Variants in USP1 observed in about 807,000 individuals in gnomAD.
The protein encoded by USP1 is ubiquitin specific peptidase 1, also known as ubiquitin carboxyl-terminal hydrolase 1.
A neutral mutation model predicts 72.2 loss-of-function variants in USP1; 18 were observed. The observed-to-expected ratio is 0.25, with a 90% CI of 0.17 to 0.37. The LOEUF is 0.37. Ranked by LOEUF, USP1 falls within the 10% of genes least tolerant of loss-of-function variation. The pLI, the probability that USP1 is intolerant of heterozygous loss-of-function variation, is 1.00. For synonymous variants in USP1, 354 were observed against 303.7 expected (o/e 1.17, Z -1.72); for missense variants, 759 against 884.9 (o/e 0.86, Z 1.81).
chr1:62,450,518 C>T lies in USP1; in HGVS notation c.1895C>T (p.Ala632Val). The change falls in exon 9 of 9, where the codon GCA (alanine) becomes GTA (valine). Residue 632 changes from alanine to valine, a missense_variant. This residue lies in a region of USP1 where 159 missense variants were observed against 140.9 expected (regional missense o/e 1.13). Coordinates refer to ENST00000339950, the MANE Select transcript of USP1 (RefSeq NM_003368.5). Reference sequence around the variant, plus strand: ...CCAGAACCATTGAATGAGGAGGAAGCAAGGGGTGTGGTTGAGAATTATAAT... The same window carrying T: ...CCAGAACCATTGAATGAGGAGGAAGTAAGGGGTGTGGTTGAGAATTATAAT... The part of the protein sequence containing the change: ...GKPEPLNEEE[A>V]RGVVENYNDE... The T allele has an allele frequency of 1.9e-6, 3 of 1,613,840 alleles. No individual in the cohort carries two copies. The highest frequency in any genetic ancestry group is 3.3e-4 in the Middle Eastern group (2 of 6,060).
chr1:62,437,121 C>T lies in USP1; in HGVS notation c.-349C>T. On this transcript the variant is annotated 5_prime_UTR_variant, in exon 1 of 9. Coordinates refer to ENST00000339950, the MANE Select transcript of USP1 (RefSeq NM_003368.5). The stretch of plus-strand genomic sequence containing the variant: ...CGGTTCAGGCGTTCGGCGAGCGGGG[C>T]CGCTGCTTGTTGCGCTCCTGGCTCT... The T allele has an allele frequency of 2.5e-6, 1 of 399,188 alleles. No homozygotes were observed. Among genetic ancestry groups the T allele is most frequent in the Non-Finnish European group, 4.4e-6 (1 of 226,166 alleles). The allele number at this position is 399,188 out of a possible 1,614,324, so 24.7% of individuals were successfully genotyped here.
chr1:62,439,426 A>G (rs560487704), intron 1 of USP1, among the ~76,000 whole-genome samples: 32 of 152,112 alleles, frequency 2.1e-4, no homozygotes, highest in African/African-American at 7.5e-4. Context: ...CTCGTGATCC[A>G]CTCGCTTCGG....
Position 62,440,427 on chromosome 1 carries a change from C to T in USP1, c.170+390C>T, listed in dbSNP as rs187325430. On this transcript the variant is annotated intron_variant, in intron 2 of 8. Coordinates refer to ENST00000339950, the MANE Select transcript of USP1 (RefSeq NM_003368.5). ...CTTGACAGTTATAAGACATTTTAAA[C>T]TCTAGTCATGTAACTAGTCATACCT... Among the ~76,000 whole-genome samples the T allele has an allele frequency of 2.6e-3, 389 of 152,008 alleles. 10 individuals carry two copies. The East Asian group carries it at 0.043, about 17-fold the overall frequency.
chr1:62,440,381 A>ATG (rs1427689536), intron 2 of USP1, among the ~76,000 whole-genome samples: 1 of 149,928 alleles, frequency 6.7e-6, no homozygotes, highest in Non-Finnish European at 1.5e-5. Context: ...ATATATATAT[A>ATG]TATTTGTTTG....
At position 62,450,692 on chromosome 1, in the gene USP1, T is replaced by C. The variant is rs1374913421; in HGVS notation, c.2069T>C (p.Val690Ala). 2 of 1,614,110 alleles carry C rather than the reference T, an allele frequency of 1.2e-6. No individual in the cohort carries two copies. Among genetic ancestry groups the C allele is most frequent in the African/African-American group, 2.7e-5 (2 of 75,038 alleles). ...AACAAAGCCTCTAATCCTGATAAGG[T>C]TGCTAGTACAGCGTTTGCTGAAAAT... ...LYNKASNPDK[V>A]ASTAFAENRN... Residue 690 changes from valine to alanine, a missense_variant, in exon 9 of 9, where the codon GTT (valine) becomes GCT (alanine). Coordinates refer to ENST00000339950, the MANE Select transcript of USP1 (RefSeq NM_003368.5).
chr1:62,444,433 G>GAAGATAAT (rs1645155817), intron 5 of USP1, among the ~76,000 whole-genome samples: 1 of 152,120 alleles, frequency 6.6e-6, no homozygotes, highest in African/African-American at 2.4e-5. Flanking sequence ...GGGTTATTGT[G>GAAGATAAT]AAGATAATGT....
intron 6 of USP1, among the ~76,000 whole-genome samples, chr1:62,445,632 G>GTGTA (rs1553145497): frequency 1.6e-5 from 2 of 124,008 alleles, no homozygotes; most frequent in African/African-American, 3.8e-5. Flanking sequence ...ATATATATGT[G>GTGTA]TGTGTGTGTG....
rs935379366 is a variant in USP1 at position 62,443,135 on chromosome 1, G to A, written c.397-24G>A. 5 of 1,601,556 alleles carry A rather than the reference G, an allele frequency of 3.1e-6. No individual in the cohort carries two copies. The African/African-American group carries it at 6.8e-5, about 22-fold the overall frequency. ...ACTTAATTTGTTCATAAAATTATTG[G>A]TTTGTGTGTTTCTTTCTTGACAGGG... is the stretch of plus-strand genomic sequence containing the variant. On this transcript the variant is annotated intron_variant, in intron 4 of 8. Coordinates refer to ENST00000339950, the MANE Select transcript of USP1 (RefSeq NM_003368.5).
In USP1 at chr1:62,447,516, G is replaced by A. The variant is rs12143144; in HGVS notation, c.1420+5G>A. The A allele has an allele frequency of 6.2e-7, 1 of 1,608,828 alleles. No individual in the cohort carries two copies. Among genetic ancestry groups the A allele is most frequent in the Non-Finnish European group, 8.5e-7 (1 of 1,178,470 alleles). On this transcript the variant is annotated splice_donor_5th_base_variant and intron_variant, in intron 7 of 8. Coordinates refer to ENST00000339950, the MANE Select transcript of USP1 (RefSeq NM_003368.5). ...AAGTAGAGGAGAGTTCTGAAAGTAA[G>A]CAAAATTGGAGTCTTGTGTGGACCA...
chr1:62,445,395 T>C lies in USP1; in HGVS notation c.1215T>C (p.Pro405=), dbSNP rs1266954643. 14 of 1,583,980 alleles carry C rather than the reference T, an allele frequency of 8.8e-6. No homozygotes were observed. Among genetic ancestry groups the C allele is most frequent in the Middle Eastern group, 1.7e-4 (1 of 5,926 alleles). The change falls in exon 6 of 9, where the codon CCT becomes CCC. Residue 405 remains proline (P), a synonymous_variant. Coordinates refer to ENST00000339950, the MANE Select transcript of USP1 (RefSeq NM_003368.5). Reference sequence around the variant, plus strand: ...AATCTCCAGGAAATACTGTTACACCTGTAAATGTTAATGAAGTTAAACCCA... The same window carrying C: ...AATCTCCAGGAAATACTGTTACACCCGTAAATGTTAATGAAGTTAAACCCA... ...GLESPGNTVT[P]VNVNEVKPIN...
In USP1 at chr1:62,443,022, C is replaced by T. The variant is rs923101317; in HGVS notation, c.397-137C>T. 3.3e-6 allele frequency: 3 copies of T among 907,480 alleles called. No homozygotes were observed. The African/African-American group carries it at 5.2e-5, about 16-fold the overall frequency. The allele number at this position is 907,480 out of a possible 1,614,324, so 56.2% of individuals were successfully genotyped here. A position where few individuals can be genotyped will look rare whatever the true frequency, so the allele number is the denominator to read the frequency against. On this transcript the variant is annotated intron_variant, in intron 4 of 8. Transcript: ENST00000339950. ...CAAAATAAAAAAATAAAAAATAAGG[C>T]TTATTTGTACATCCCTTAAAATTAG...
Position 62,451,734 on chromosome 1 carries a change from CTA to C in USP1, c.*755_*756del, listed in dbSNP as rs1288133265. On this transcript the variant is annotated 3_prime_UTR_variant, in exon 9 of 9. Coordinates refer to ENST00000339950, the MANE Select transcript of USP1 (RefSeq NM_003368.5). ...GGTCAATAAAATTTAAACTGCTTAA[CTA>C]TGTATATGAATATTTGAATTTTTTA... 6.6e-6 allele frequency: 1 copy of C among 152,318 alleles called. No homozygotes were observed. The highest frequency in any genetic ancestry group is 2.4e-5 in the African/African-American group (1 of 41,308). 9.4% of individuals were successfully genotyped at this position (152,318 alleles called of 1,614,324 possible).
At chr1:62,447,292 A>T in intron 6 of USP1, 49 bp from the exon 7 acceptor site, 1 of 1,527,164 alleles carries the variant, frequency 6.5e-7, no homozygotes, top group East Asian at 2.3e-5. Flanking sequence ...TTTGGACTAT[A>T]ATGAGAAACT....
chr1:62,436,477 A>G (rs890387407), upstream of USP1: 1 of 152,280 alleles, frequency 6.6e-6, no homozygotes, highest in Non-Finnish European at 1.5e-5. Context: ...CGTATGTCGA[A>G]CAATGATTGG....
At chr1:62,447,299 A>T in intron 6 of USP1, 42 bp from the exon 7 acceptor site, 1 of 1,551,622 alleles carries the variant, frequency 6.4e-7, no homozygotes, top group Non-Finnish European at 8.7e-7. Flanking sequence ...TATAATGAGA[A>T]ACTAATCTGT....
At position 62,447,525 on chromosome 1, in the gene USP1, G is replaced by T; in HGVS notation, c.1420+14G>T. 6.2e-7 allele frequency: 1 copy of T among 1,608,594 alleles called. No individual in the cohort carries two copies. The highest frequency in any genetic ancestry group is 8.5e-7 in the Non-Finnish European group (1 of 1,178,292). On this transcript the variant is annotated intron_variant, in intron 7 of 8. Coordinates refer to ENST00000339950, the MANE Select transcript of USP1 (RefSeq NM_003368.5). ...AGAGTTCTGAAAGTAAGCAAAATTG[G>T]AGTCTTGTGTGGACCATGATGGAAT... is the stretch of plus-strand genomic sequence containing the variant.
chr1:62,437,870 G>T (rs897779555), intron 1 of USP1, among the ~76,000 whole-genome samples: 2 of 152,242 alleles, frequency 1.3e-5, no homozygotes, highest in African/African-American at 4.8e-5. Flanking sequence ...CCTTGGCGAA[G>T]ATGTCCTTGT....
chr1:62,439,817 A>G lies in USP1; in HGVS notation c.-51A>G, dbSNP rs758405685. Reference sequence around the variant, plus strand: ...TTAACAGATATAATTGGTGATTACAACTTTCCTCTATAAATTAACTCTTGA... The same window carrying G: ...TTAACAGATATAATTGGTGATTACAGCTTTCCTCTATAAATTAACTCTTGA... On this transcript the variant is annotated 5_prime_UTR_variant, in exon 2 of 9. Transcript: ENST00000339950. 5.3e-6 allele frequency: 7 copies of G among 1,322,350 alleles called. 1 individual carries two copies. In the South Asian group the frequency reaches 1.9e-4, roughly 35 times the overall value. The allele number at this position is 1,322,350 out of a possible 1,614,324, so 81.9% of individuals were successfully genotyped here. A position where few individuals can be genotyped will look rare whatever the true frequency, so the allele number is the denominator to read the frequency against.
intron 8 of USP1, among the ~76,000 whole-genome samples, chr1:62,449,549 C>G (rs1356300478): frequency 1.3e-5 from 2 of 152,118 alleles, no homozygotes; most frequent in African/African-American, 4.8e-5. Flanking sequence ...TGGACCTTCC[C>G]TTTGCTAATA....
Sources: allele counts gnomAD v4.1 joint callset (sites outside exome capture counted in the v4.1 genomes callset), GRCh38; gene constraint gnomAD v4.1.1; regional missense constraint gnomAD v4.1.1; transcripts MANE v1.5; gene names NCBI Gene and HGNC (gene_info 2026-07-23, HGNC 2026-07-21).